JAM2: variants seen among roughly 807,000 people sequenced by gnomAD.
The protein encoded by JAM2 is junctional adhesion molecule B.
JAM2 carries 17 observed loss-of-function variants against 42.0 expected under a neutral mutation model. The observed-to-expected ratio is 0.40, with a 90% CI of 0.28 to 0.61. JAM2 has a LOEUF of 0.61. JAM2 is among the 20% of genes least tolerant of loss of function. The probability of loss-of-function intolerance (pLI) is 0.37; values close to 1 mark genes in which losing one functional copy is unlikely to be tolerated. For synonymous variants in JAM2, 118 were observed against 128.6 expected (o/e 0.92, Z 0.56); for missense variants, 319 against 358.3 (o/e 0.89, Z 0.89).
At chr21:25,705,830 G>A in intron 6 of JAM2, 149 bp from the exon 7 acceptor site, 1 of 578,554 alleles carries the variant, frequency 1.7e-6, no homozygotes, top group Non-Finnish European at 3.1e-6. Context: ...TGTCTTAGAA[G>A]TGAGTTAGTT....
intron 6 of JAM2, 87 bp from the exon 7 acceptor site, chr21:25,705,892 G>A: frequency 1.1e-6 from 1 of 888,732 alleles, no homozygotes; most frequent in Non-Finnish European, 1.9e-6. Flanking sequence ...CTGCAAAGGG[G>A]ATCTTTTTTT....
intron 1 of JAM2, among the ~76,000 whole-genome samples, chr21:25,655,914 GTT>G (rs11371745): frequency 0.059 from 8,585 of 145,244 alleles, 259 homozygotes; most frequent in Middle Eastern, 0.099. Context: ...CCCACTAATA[GTT>G]TTTTTTTTTT....
intron 7 of JAM2, among the ~76,000 whole-genome samples, chr21:25,707,501 A>T (rs1175295790): frequency 6.6e-6 from 1 of 152,204 alleles, no homozygotes; most frequent in African/African-American, 2.4e-5. Flanking sequence ...ACAAAAAAAG[A>T]GAATTGTTCA....
At chr21:25,661,467 A>G (rs1356350454) in intron 1 of JAM2, among the ~76,000 whole-genome samples, 1 of 152,200 alleles carries the variant, frequency 6.6e-6, no homozygotes, top group Non-Finnish European at 1.5e-5. Flanking sequence ...TATCTCTAAA[A>G]AAAGAAAAAT....
rs1284122553 is a variant in JAM2 at position 25,698,748 on chromosome 21, C to G, written c.466C>G (p.Gln156Glu). 6.2e-7 allele frequency: 1 copy of G among 1,614,060 alleles called. No individual in the cohort carries two copies. Among genetic ancestry groups the G allele is most frequent in the South Asian group, 1.1e-5 (1 of 91,078 alleles). The change falls in exon 5 of 10, where the codon CAA becomes GAA. Residue 156 changes from glutamine (Q) to glutamate (E), a missense_variant. Gln to Glu is a conservative substitution (Grantham distance 29, BLOSUM62 2). Transcript: ENST00000480456. Reference sequence around the variant, plus strand: ...TGGAACTGTGGTAGAGCTACGATGTCAAGACAAAGAAGGGAATCCAGCTCC... The same window carrying G: ...TGGAACTGTGGTAGAGCTACGATGTGAAGACAAAGAAGGGAATCCAGCTCC... ...LSGTVVELRCQDKEGNPAPEY... is the reference protein window; with the variant it reads ...LSGTVVELRCEDKEGNPAPEY...
chr21:25,653,509 G>GA (rs764813740), intron 1 of JAM2, among the ~76,000 whole-genome samples: 3 of 152,178 alleles, frequency 2.0e-5, no homozygotes, highest in Non-Finnish European at 4.4e-5. Context: ...GGAGGCCTCA[G>GA]AAAACTTAAA....
chr21:25,648,277 C>T (rs934206915), intron 1 of JAM2, among the ~76,000 whole-genome samples: 1 of 152,098 alleles, frequency 6.6e-6, no homozygotes, highest in Non-Finnish European at 1.5e-5. Context: ...AGAACTGACA[C>T]AATGGAATAA....
chr21:25,712,374 A>C lies in JAM2; in HGVS notation c.856A>C (p.Ser286Arg), dbSNP rs9976382. ...TTCTTCATCTAAAGCCACGACAATG[A>C]GTGAAAATGTGAGTATCTTTAAAGC... ...SNSSSKATTM[S>R]ENDFKHTKSF... Residue 286 changes from serine to arginine, a missense_variant, in exon 9 of 10, where the codon AGT becomes CGT. Physicochemically the swap from Ser to Arg is moderately radical, Grantham distance 110. Transcript: ENST00000480456. 5,858 of 1,594,306 alleles carry C rather than the reference A, an allele frequency of 3.7e-3. 167 individuals are homozygous for C. The African/African-American group carries it at 0.064, about 17-fold the overall frequency.
At chr21:25,693,640 G>C in intron 3 of JAM2, 116 bp from the exon 4 acceptor site, 2 of 863,702 alleles carry the variant, frequency 2.3e-6, no homozygotes, top group East Asian at 2.7e-5. Flanking sequence ...CTTTAAACTT[G>C]AGTTTATTAA....
chr21:25,714,548 C>A (rs942534757), intron 9 of JAM2, 92 bp from the exon 10 acceptor site: 5 of 859,006 alleles, frequency 5.8e-6, no homozygotes, highest in African/African-American at 3.6e-5. Flanking sequence ...CTGTAGAATT[C>A]TTACAATAAA....
intron 1 of JAM2, among the ~76,000 whole-genome samples, chr21:25,662,257 C>T (rs2033108655): frequency 1.3e-5 from 2 of 152,232 alleles, no homozygotes; most frequent in East Asian, 1.9e-4. Context: ...AGCCATCCCT[C>T]CCACCTCAGC....
Position 25,712,382 on chromosome 21 carries a change from T to C in JAM2, c.864T>C (p.Asn288=). The C allele has an allele frequency of 1.3e-6, 2 of 1,585,736 alleles. No homozygotes were observed. The highest frequency in any genetic ancestry group is 1.7e-6 in the Non-Finnish European group (2 of 1,155,282). Residue 288 remains asparagine, a splice_region_variant and synonymous_variant, in exon 9 of 10, where the codon AAT becomes AAC. Transcript: ENST00000480456. ...SSSKATTMSE[N]DFKHTKSFII ...CTAAAGCCACGACAATGAGTGAAAA[T>C]GTGAGTATCTTTAAAGCATATTTAT... is the stretch of plus-strand genomic sequence containing the variant.
intron 1 of JAM2, among the ~76,000 whole-genome samples, chr21:25,654,336 A>AATCTT (rs974699535): frequency 6.6e-6 from 1 of 152,194 alleles, no homozygotes; most frequent in African/African-American, 2.4e-5. Flanking sequence ...AACACTGATT[A>AATCTT]ATCTTAGCAT....
At chr21:25,709,477 C>T (rs769169386) in intron 8 of JAM2, 28 bp downstream of exon 8, 1 of 1,421,346 alleles carries the variant, frequency 7.0e-7, no homozygotes, top group Admixed American at 1.8e-5. Flanking sequence ...CAATGCATGT[C>T]TTTCTCCTAT....
At chr21:25,673,006 G>A (rs190387320) in intron 1 of JAM2, among the ~76,000 whole-genome samples, 62 of 152,192 alleles carry the variant, frequency 4.1e-4, no homozygotes, top group Admixed American at 9.2e-4. Flanking sequence ...GACTGTTGCC[G>A]TCTATCTAAA....
At chr21:25,666,388 G>A (rs1474179457) in intron 1 of JAM2, among the ~76,000 whole-genome samples, 2 of 151,258 alleles carry the variant, frequency 1.3e-5, no homozygotes, top group Non-Finnish European at 1.5e-5. Context: ...GCAATGGCGC[G>A]ATCTCTGCTC....
At chr21:25,645,820 T>C (rs570993047) in intron 1 of JAM2, among the ~76,000 whole-genome samples, 3 of 152,358 alleles carry the variant, frequency 2.0e-5, no homozygotes, top group Non-Finnish European at 4.4e-5. Flanking sequence ...AGCATGTTAC[T>C]GTACTGGATA....
intron 1 of JAM2, among the ~76,000 whole-genome samples, chr21:25,673,672 G>A (rs972043982): frequency 6.6e-6 from 1 of 152,164 alleles, no homozygotes; most frequent in Non-Finnish European, 1.5e-5. Flanking sequence ...TTTGAGGGCA[G>A]GGAGAGAGGA....
chr21:25,704,327 C>G (rs904945901), intron 6 of JAM2, among the ~76,000 whole-genome samples: 1 of 152,090 alleles, frequency 6.6e-6, no homozygotes, highest in Non-Finnish European at 1.5e-5. Flanking sequence ...GTTTTCTACT[C>G]TGGTCAAATT....
Sources: gnomAD v4.1 joint callset for allele counts (sites outside exome capture counted in the v4.1 genomes callset) on GRCh38, gnomAD v4.1.1 for gene constraint, MANE v1.5 for transcripts, NCBI Gene and HGNC (gene_info 2026-07-23, HGNC 2026-07-21) for gene names.